The following ITGAE variants were observed in gnomAD, a reference collection of about 807,000 sequenced individuals.
ITGAE encodes integrin alpha-E.
Under a neutral mutation model 136.5 loss-of-function variants are expected in ITGAE, and 99 were observed. The observed-to-expected ratio is 0.73, with a 90% CI of 0.62 to 0.86. ITGAE has a LOEUF of 0.86. Ranked by LOEUF, ITGAE falls within the 40% of genes least tolerant of loss-of-function variation. The pLI is 0.00. For synonymous variants in ITGAE, 613 were observed against 591.8 expected, an observed-to-expected ratio of 1.04 and a Z score of -0.52; for missense variants, 1,447 against 1,515.3, an observed-to-expected ratio of 0.95 and a Z score of 0.75.
Position 3,755,136 on chromosome 17 carries a change from A to G in ITGAE, c.1365T>C (p.Ala455=). Reference sequence around the variant, plus strand: ...CCTCACCCAGGTAGCTGTACTGCGCAGCCTCCGCGTCTGCCGCCGCCGCCG... The same window carrying G: ...CCTCACCCAGGTAGCTGTACTGCGCGGCCTCCGCGTCTGCCGCCGCCGCCG... ...QTAAAAADAE[A]AQYSYLGYAV... is the part of the protein sequence containing the mutation. The change falls in exon 12 of 31, where the codon GCT becomes GCC. Residue 455 remains alanine (A), a synonymous_variant. Coordinates refer to ENST00000263087, the MANE Select transcript of ITGAE (RefSeq NM_002208.5). 7.4e-7 allele frequency: 1 copy of G among 1,357,934 alleles called. No individual in the cohort carries two copies. Among genetic ancestry groups the G allele is most frequent in the Non-Finnish European group, 9.7e-7 (1 of 1,030,420 alleles). The allele number at this position is 1,357,934 out of a possible 1,614,324, so 84.1% of individuals were successfully genotyped here. A position where few individuals can be genotyped will look rare whatever the true frequency, so the allele number is the denominator to read the frequency against.
intron 29 of ITGAE, among the ~76,000 whole-genome samples, chr17:3,719,676 G>A (rs146582951): frequency 4.4e-4 from 67 of 152,230 alleles, no homozygotes; most frequent in African/African-American, 1.5e-3. Context: ...AGCACACTAA[G>A]ACAGTTACTG....
At chr17:3,721,612 C>G (rs1434912156) in intron 28 of ITGAE, 2 of 152,048 alleles carry the variant, frequency 1.3e-5, no homozygotes, top group Non-Finnish European at 2.9e-5. Context: ...GTATCTGTCC[C>G]TTTCTTTTCC....
At chr17:3,770,640 C>G (rs776813172) in intron 2 of ITGAE, among the ~76,000 whole-genome samples, 1 of 152,200 alleles carries the variant, frequency 6.6e-6, no homozygotes, top group Non-Finnish European at 1.5e-5. Context: ...GCAGCAGGCC[C>G]GTGGTCTCAG....
chr17:3,751,683 T>C lies in ITGAE; in HGVS notation c.1860A>G (p.Gly620=). 1 of 1,613,852 alleles carries C rather than the reference T, an allele frequency of 6.2e-7. No individual in the cohort carries two copies. The highest frequency in any genetic ancestry group is 8.5e-7 in the Non-Finnish European group (1 of 1,179,892). ...GGCTGGCGGAGAGGCCGTCCCAGTGTCCATTGTAGATATACACACTGCCGA... is the reference window on the plus strand; with the variant it reads ...GGCTGGCGGAGAGGCCGTCCCAGTGCCCATTGTAGATATACACACTGCCGA... ...ASFGSVYIYN[G]HWDGLSASPS... is the part of the protein sequence containing the mutation. Residue 620 remains glycine (G), a synonymous_variant, in exon 15 of 31, where the codon GGA becomes GGG. Coordinates refer to ENST00000263087, the MANE Select transcript of ITGAE (RefSeq NM_002208.5).
chr17:3,737,769 G>A (rs2051491797), intron 20 of ITGAE, among the ~76,000 whole-genome samples: 1 of 152,056 alleles, frequency 6.6e-6, no homozygotes, highest in Admixed American at 6.6e-5. Flanking sequence ...GATTCTTTTG[G>A]GGATCTATGT....
chr17:3,777,250 C>T (rs1214938026), intron 2 of ITGAE, among the ~76,000 whole-genome samples: 3 of 152,138 alleles, frequency 2.0e-5, no homozygotes, highest in Non-Finnish European at 1.5e-5. Context: ...CGTGAGCCAC[C>T]GTGCCCGGCC....
At chr17:3,740,242 C>T (rs533862318) in intron 19 of ITGAE, among the ~76,000 whole-genome samples, 87 of 152,342 alleles carry the variant, frequency 5.7e-4, no homozygotes, top group African/African-American at 2.0e-3. Flanking sequence ...GACACCTACG[C>T]GAAGAGAAGC....
intron 19 of ITGAE, among the ~76,000 whole-genome samples, chr17:3,740,931 C>T (rs71366572): frequency 0.063 from 9,575 of 152,288 alleles, 408 homozygotes; most frequent in Non-Finnish European, 0.091. Context: ...TCTGTTCCCA[C>T]GGCCTAGAGG....
chr17:3,788,941 A>G (rs916715030), intron 1 of ITGAE, among the ~76,000 whole-genome samples: 16 of 151,528 alleles, frequency 1.1e-4, no homozygotes, highest in Admixed American at 7.9e-4. Flanking sequence ...TGATATTTAC[A>G]AGAGAGAGAA....
At position 3,751,652 on chromosome 17, in the gene ITGAE, G is replaced by T. The variant is rs756762702; in HGVS notation, c.1891C>A (p.Gln631Lys). Residue 631 changes from glutamine to lysine, a missense_variant and splice_region_variant, in exon 15 of 31, where the codon CAG becomes AAG. By Grantham distance (53) the Gln-to-Lys change is moderately conservative (BLOSUM62 1). This residue lies in a region of ITGAE where 1,031 missense variants were observed against 1,011.4 expected (regional missense o/e 1.02). Coordinates refer to ENST00000263087, the MANE Select transcript of ITGAE (RefSeq NM_002208.5). ...AAGGAGAGGGCCCCATGGGTCACCT[G>T]CGAGGGGCTGGCGGAGAGGCCGTCC... Reference protein sequence around the residue: ...HWDGLSASPSQRIRASTVAPG... With the variant: ...HWDGLSASPSKRIRASTVAPG... 2.5e-5 allele frequency: 41 copies of T among 1,613,282 alleles called. No individual in the cohort carries two copies. Among genetic ancestry groups the T allele is most frequent in the Non-Finnish European group, 3.4e-5 (40 of 1,179,540 alleles).
Position 3,755,976 on chromosome 17 carries a change from G to T in ITGAE, c.1172-79C>A, listed in dbSNP as rs139697432. ...CTGAGTCAGGGGACAGTCCAGCTTG[G>T]CCTCACTCCCAGAAGGAACCATGCT... On this transcript the variant is annotated intron_variant, in intron 10 of 30. Transcript: ENST00000263087. 8.1e-3 allele frequency: 11,185 copies of T among 1,384,650 alleles called. 122 individuals carry two copies. The highest frequency in any genetic ancestry group is 0.02 in the African/African-American group (1,418 of 69,792). 85.8% of individuals were successfully genotyped at this position (1,384,650 alleles called of 1,614,324 possible). A position where few individuals can be genotyped will look rare whatever the true frequency, so the allele number is the denominator to read the frequency against.
At chr17:3,731,217 C>A (rs2051334532) in intron 22 of ITGAE, 34 bp from the exon 23 acceptor site, 2 of 1,531,278 alleles carry the variant, frequency 1.3e-6, no homozygotes, top group South Asian at 2.2e-5. Flanking sequence ...TCAGTTGATT[C>A]TCTCTATGCC....
chr17:3,778,286 G>A, intron 1 of ITGAE, among the ~76,000 whole-genome samples: 1 of 152,148 alleles, frequency 6.6e-6, no homozygotes, highest in East Asian at 1.9e-4. Flanking sequence ...TGCTGGCCGC[G>A]CGCCAGTGGC....
intron 2 of ITGAE, among the ~76,000 whole-genome samples, chr17:3,775,641 G>A (rs1324823522): frequency 7.5e-6 from 1 of 133,342 alleles, no homozygotes; most frequent in South Asian, 2.4e-4. Context: ...TTTTTTTTTT[G>A]TATCTTTAGT....
intron 2 of ITGAE, among the ~76,000 whole-genome samples, chr17:3,767,019 C>T (rs888524934): frequency 1.1e-4 from 17 of 152,002 alleles, no homozygotes; most frequent in African/African-American, 4.1e-4. Flanking sequence ...GAGGCATCCT[C>T]ACTTCGTCGT....
chr17:3,724,467 G>A, intron 26 of ITGAE: 3 of 1,613,758 alleles, frequency 1.9e-6, no homozygotes, highest in Non-Finnish European at 2.5e-6. Context: ...GCCCTGCCCC[G>A]GGTCCCCAAC....
At chr17:3,773,230 G>A (rs568267949) in intron 2 of ITGAE, among the ~76,000 whole-genome samples, 4 of 152,288 alleles carry the variant, frequency 2.6e-5, no homozygotes, top group East Asian at 1.9e-4. Flanking sequence ...CTTGGCTCAC[G>A]CCTGTAATCC....
At chr17:3,775,009 C>G (rs527588143) in intron 2 of ITGAE, among the ~76,000 whole-genome samples, 1 of 151,998 alleles carries the variant, frequency 6.6e-6, no homozygotes, top group Non-Finnish European at 1.5e-5. Context: ...GGCACAATCG[C>G]GGCTCACTGC....
chr17:3,726,626 A>G, intron 26 of ITGAE: 1 of 343,032 alleles, frequency 2.9e-6, no homozygotes, highest in East Asian at 5.0e-5. Flanking sequence ...CCAAGAGTTC[A>G]TATCTAGCCT....
Sources: allele counts gnomAD v4.1 joint callset (sites outside exome capture counted in the v4.1 genomes callset), GRCh38; gene constraint gnomAD v4.1.1; regional missense constraint gnomAD v4.1.1; transcripts MANE v1.5; gene names NCBI Gene and HGNC (gene_info 2026-07-23, HGNC 2026-07-21).